PCDH15: variants seen among roughly 807,000 people sequenced by gnomAD.
PCDH15 encodes the protein protocadherin related 15, also known as protocadherin-15.
PCDH15 carries 129 observed loss-of-function variants against 178.5 expected under a neutral mutation model. That is an observed-to-expected ratio of 0.72 (90% CI 0.63 to 0.84). The LOEUF (loss-of-function observed/expected upper bound fraction) is 0.84. Ranked by LOEUF, PCDH15 falls within the 40% of genes least tolerant of loss-of-function variation. The pLI is 0.00. For missense variants in PCDH15, 2,230 were observed against 2,099.9 expected, an observed-to-expected ratio of 1.06 and a Z score of -1.21; for synonymous variants, 800 against 732.0, an observed-to-expected ratio of 1.09 and a Z score of -1.50.
Position 55,315,953 on chromosome 10 carries a change from T to A in PCDH15, c.-156+3646A>T, listed in dbSNP as rs559421644. Among the ~76,000 whole-genome samples, 10 of 152,246 alleles carry A rather than the reference T, an allele frequency of 6.6e-5. No homozygotes were observed. In the South Asian group the frequency reaches 2.1e-3, roughly 32 times the overall value. ...ATCACTTGAACCTGGGAGGCAGAGG[T>A]TGCAGTGAGCCTAGACTGCACCATT... is the stretch of plus-strand genomic sequence containing the variant. On this transcript the variant is annotated intron_variant, in intron 1 of 5. Coordinates refer to the PCDH15 transcript ENST00000458638.
chr10:54,307,830 A>C (rs1367875794), intron 8 of PCDH15, among the ~76,000 whole-genome samples: 2 of 152,042 alleles, frequency 1.3e-5, no homozygotes, highest in African/African-American at 2.4e-5. Flanking sequence ...TAGAAATTCA[A>C]ATTAATAACT....
At chr10:54,992,199 T>G (rs1482310250) in intron 2 of PCDH15, among the ~76,000 whole-genome samples, 3 of 152,200 alleles carry the variant, frequency 2.0e-5, no homozygotes, top group African/African-American at 7.2e-5. Flanking sequence ...GAAATCCATC[T>G]TCACTTCTAT....
At chr10:54,274,382 CA>C (rs1339909153) in intron 8 of PCDH15, among the ~76,000 whole-genome samples, 1 of 151,966 alleles carries the variant, frequency 6.6e-6, no homozygotes, top group East Asian at 1.9e-4. Context: ...CAACATTTTA[CA>C]AAGCGCTTTT....
intron 2 of PCDH15, among the ~76,000 whole-genome samples, chr10:55,420,767 T>C (rs144719571): frequency 4.0e-4 from 61 of 151,732 alleles, no homozygotes; most frequent in Admixed American, 3.9e-3. Flanking sequence ...GTGAAAAATA[T>C]TACACCAAAT....
intron 2 of PCDH15, among the ~76,000 whole-genome samples, chr10:55,485,928 G>A (rs1358614335): frequency 6.6e-6 from 1 of 151,600 alleles, no homozygotes; most frequent in Non-Finnish European, 1.5e-5. Flanking sequence ...CATCCCTACA[G>A]AACCAATCCG....
At position 55,226,866 on chromosome 10, in the gene PCDH15, A is replaced by T. The variant is rs142975134; in HGVS notation, c.-155-60215T>A. On this transcript the variant is annotated intron_variant, in intron 1 of 5. Coordinates refer to the PCDH15 transcript ENST00000458638. ...CAAAAAGATAGATATAAGTCAATAAAACAGAAATATAAGTTACTGGAGGAT... is the reference window on the plus strand; with the variant it reads ...CAAAAAGATAGATATAAGTCAATAATACAGAAATATAAGTTACTGGAGGAT... 1.4e-4 allele frequency among the ~76,000 whole-genome samples: 21 copies of T among 152,198 alleles called. No individual in the cohort carries two copies. The East Asian group carries it at 3.7e-3, about 27-fold the overall frequency.
At position 55,428,347 on chromosome 10, in the gene PCDH15, G is replaced by C. The variant is rs1031816514; in HGVS notation, c.-156+199278C>G. ...ATCATTTTGCATCTCTGTCAGTATG[G>C]ATAAAAAATTCAGGACACTTATTGT... On this transcript the variant is annotated intron_variant, in intron 2 of 5. Coordinates refer to the PCDH15 transcript ENST00000613346. Among the ~76,000 whole-genome samples the C allele has an allele frequency of 2.0e-5, 3 of 151,592 alleles. No homozygotes were observed. The Middle Eastern group carries it at 0.011, about 545-fold the overall frequency.
In PCDH15 at chr10:53,866,825, G is replaced by A; in HGVS notation, c.3534C>T (p.Val1178=). ...GTGGTATTATGAGTCTGTAGGCCAT[G>A]ACACTATAATTGCCAGTATCTTTAT... ...ATDKDTGNYS[V]MAYRLIIPPI... is the part of the protein sequence containing the mutation. The change falls in exon 27 of 38, where the codon GTC becomes GTT. Residue 1178 remains valine (V), a synonymous_variant. Transcript: ENST00000644397. 6.2e-7 allele frequency: 1 copy of A among 1,612,532 alleles called. No individual in the cohort carries two copies. The highest frequency in any genetic ancestry group is 1.1e-5 in the South Asian group (1 of 91,040).
At chr10:54,779,474 A>G (rs1444279430) in intron 1 of PCDH15, among the ~76,000 whole-genome samples, 3 of 114,420 alleles carry the variant, frequency 2.6e-5, no homozygotes, top group Non-Finnish European at 5.7e-5. Context: ...GTATATATAT[A>G]CACACATATA....
intron 3 of PCDH15, among the ~76,000 whole-genome samples, chr10:54,870,578 G>A (rs980335586): frequency 4.6e-5 from 7 of 152,092 alleles, no homozygotes; most frequent in African/African-American, 1.2e-4. Flanking sequence ...GAGGTCAGGA[G>A]ATCGAGCCCA....
At chr10:55,173,393 A>G (rs529065466) in intron 1 of PCDH15, among the ~76,000 whole-genome samples, 131 of 150,450 alleles carry the variant, frequency 8.7e-4, no homozygotes, top group Non-Finnish European at 1.3e-3. Context: ...GCTTATAAAC[A>G]TCTTCTTTAA....
intron 2 of PCDH15, among the ~76,000 whole-genome samples, chr10:55,363,292 G>A (rs1387304077): frequency 6.6e-6 from 1 of 152,144 alleles, no homozygotes; most frequent in African/African-American, 2.4e-5. Context: ...TGTATATTCA[G>A]TTAAACACAG....
chr10:55,212,266 C>G (rs12260188), intron 1 of PCDH15, among the ~76,000 whole-genome samples: 222 of 152,226 alleles, frequency 1.5e-3, no homozygotes, highest in African/African-American at 5.2e-3. Flanking sequence ...CCTAGTCCAA[C>G]CAGTCTTTCC....
chr10:54,787,047 T>C (rs1187859107), intron 1 of PCDH15, among the ~76,000 whole-genome samples: 1 of 151,844 alleles, frequency 6.6e-6, no homozygotes, highest in Admixed American at 6.6e-5. Context: ...CCTTTAATTA[T>C]CTAACTTTGA....
At position 54,308,809 on chromosome 10, in the gene PCDH15, A is replaced by G. The variant is rs138960976; in HGVS notation, c.876+8462T>C. On this transcript the variant is annotated intron_variant, in intron 8 of 37. Coordinates refer to ENST00000644397, the MANE Select transcript of PCDH15 (RefSeq NM_001384140.1). Reference sequence around the variant, plus strand: ...TTCCCCGACCCCCAGACAGGCCCCCATGTCACACACCACTTTTAGAATCAC... The same window carrying G: ...TTCCCCGACCCCCAGACAGGCCCCCGTGTCACACACCACTTTTAGAATCAC... Among the ~76,000 whole-genome samples, 250 of 149,506 alleles carry G rather than the reference A, an allele frequency of 1.7e-3. 1 individual carries two copies. Among genetic ancestry groups the G allele is most frequent in the African/African-American group, 6.0e-3 (243 of 40,588 alleles).
intron 3 of PCDH15, among the ~76,000 whole-genome samples, chr10:54,433,562 G>T (rs1222510269): frequency 1.3e-5 from 2 of 152,074 alleles, no homozygotes; most frequent in Non-Finnish European, 2.9e-5. Context: ...AGGGTAGTTG[G>T]GGGTGGAGGG....
chr10:55,006,256 C>T (rs963951281), intron 2 of PCDH15, among the ~76,000 whole-genome samples: 2 of 152,080 alleles, frequency 1.3e-5, no homozygotes, highest in Non-Finnish European at 2.9e-5. Flanking sequence ...GTCCTCATCA[C>T]TCCTTCTTCT....
At chr10:54,555,782 A>G (rs1224726677) in intron 2 of PCDH15, among the ~76,000 whole-genome samples, 1 of 139,742 alleles carries the variant, frequency 7.2e-6, no homozygotes, top group African/African-American at 2.5e-5. Flanking sequence ...GAAAAAGGAA[A>G]AAAAAGAATC....
At chr10:54,384,666 G>T (rs1949706424) in intron 3 of PCDH15, among the ~76,000 whole-genome samples, 1 of 152,072 alleles carries the variant, frequency 6.6e-6, no homozygotes, top group Admixed American at 6.6e-5. Flanking sequence ...TTGGATAGGG[G>T]AAGTAAGTTT....
Sources: gnomAD v4.1 joint callset for allele counts (sites outside exome capture counted in the v4.1 genomes callset) on GRCh38, gnomAD v4.1.1 for gene constraint, MANE v1.5 for transcripts, NCBI Gene and HGNC (gene_info 2026-07-23, HGNC 2026-07-21) for gene names.